MTMR12: variants seen among roughly 807,000 people sequenced by gnomAD.
MTMR12 encodes myotubularin related protein 12.
A neutral mutation model predicts 96.7 loss-of-function variants in MTMR12; 33 were observed. That is an observed-to-expected ratio of 0.34 (90% CI 0.26 to 0.46). The LOEUF is 0.46. MTMR12 is among the 20% of genes least tolerant of loss of function. The pLI, the probability that MTMR12 is intolerant of heterozygous loss-of-function variation, is 1.00. For synonymous variants in MTMR12, 298 were observed against 327.2 expected (o/e 0.91, Z 0.96); for missense variants, 721 against 896.1 (o/e 0.80, Z 2.49).
intron 1 of MTMR12, among the ~76,000 whole-genome samples, chr5:32,294,050 C>A (rs535389419): frequency 6.6e-6 from 1 of 152,322 alleles, no homozygotes; most frequent in East Asian, 1.9e-4. Flanking sequence ...GGGCCACCAT[C>A]ATTTCCTAGC....
intron 1 of MTMR12, among the ~76,000 whole-genome samples, chr5:32,278,305 G>A (rs1457227897): frequency 1.3e-5 from 2 of 152,138 alleles, no homozygotes; most frequent in Middle Eastern, 3.2e-3. Flanking sequence ...ATAATACAGT[G>A]GGGATATAAT....
intron 1 of MTMR12, among the ~76,000 whole-genome samples, chr5:32,284,427 G>A (rs575617510): frequency 2.6e-5 from 4 of 152,038 alleles, no homozygotes; most frequent in African/African-American, 7.2e-5. Flanking sequence ...ACTGAAAAAC[G>A]GAGGATTCCT....
chr5:32,233,809 T>C lies in MTMR12; in HGVS notation c.1638A>G (p.Lys546=). Residue 546 remains lysine, a synonymous_variant, in exon 15 of 16, where the codon AAA becomes AAG. Coordinates refer to ENST00000382142, the MANE Select transcript of MTMR12 (RefSeq NM_001040446.3). This position sits in a 1 kb window ranked among gnomAD's most constrained non-coding sequence, Gnocchi z 5.0. ...LKNPLYVEKP[K]LDKGQRKGMR... The stretch of plus-strand genomic sequence containing the variant: ...TTCCTTTCCGTTGGCCTTTGTCCAG[T>C]TTTGGCTTTTCCACATAAAGAGGGT... The C allele has an allele frequency of 1.2e-6, 2 of 1,614,190 alleles. No individual in the cohort carries two copies. Among genetic ancestry groups the C allele is most frequent in the Non-Finnish European group, 1.7e-6 (2 of 1,180,036 alleles).
intron 8 of MTMR12, among the ~76,000 whole-genome samples, chr5:32,253,057 T>C (rs1749002708): frequency 6.6e-6 from 1 of 152,232 alleles, no homozygotes; most frequent in Non-Finnish European, 1.5e-5. Flanking sequence ...TCAACCTGCA[T>C]TTTGTGCCCC....
chr5:32,275,869 AC>A (rs1750031350), intron 2 of MTMR12, among the ~76,000 whole-genome samples: 1 of 152,246 alleles, frequency 6.6e-6, no homozygotes, highest in South Asian at 2.1e-4. Flanking sequence ...GAATTCTTTT[AC>A]CAAATAACGT....
At chr5:32,289,115 A>G (rs376808516) in intron 1 of MTMR12, among the ~76,000 whole-genome samples, 1 of 152,314 alleles carries the variant, frequency 6.6e-6, no homozygotes, top group East Asian at 1.9e-4. Context: ...TGTCAAAGAC[A>G]AGGTGTTCGT....
At chr5:32,232,541 T>C (rs949625120) in intron 15 of MTMR12, among the ~76,000 whole-genome samples, 2 of 152,192 alleles carry the variant, frequency 1.3e-5, no homozygotes, top group Admixed American at 6.5e-5. Flanking sequence ...ACAGACGTTG[T>C]CCTCGCTGTC....
At chr5:32,267,936 C>T (rs557833669) in intron 6 of MTMR12, among the ~76,000 whole-genome samples, 9 of 152,176 alleles carry the variant, frequency 5.9e-5, no homozygotes, top group Admixed American at 3.3e-4. Context: ...CAGGTTCAAG[C>T]GATTCTCCTG....
At chr5:32,266,461 G>A (rs1749596537) in intron 6 of MTMR12, among the ~76,000 whole-genome samples, 1 of 152,154 alleles carries the variant, frequency 6.6e-6, no homozygotes, top group Admixed American at 6.5e-5. Flanking sequence ...GCCAAGGCGG[G>A]CAGATCACTT....
At chr5:32,255,954 G>A in intron 7 of MTMR12, 186 bp from the exon 8 acceptor site, 1 of 416,774 alleles carries the variant, frequency 2.4e-6, no homozygotes, top group Non-Finnish European at 4.4e-6. Context: ...GGACAAATCA[G>A]TGGGGAATCT....
Position 32,233,701 on chromosome 5 carries a change from G to T in MTMR12, c.1674+72C>A. ...TAGAAAATGCTGGCAGACAGAATCC[G>T]TAAGTACCTTTTATCATTACATGCA... On this transcript the variant is annotated intron_variant, in intron 15 of 15. Coordinates refer to ENST00000382142, the MANE Select transcript of MTMR12 (RefSeq NM_001040446.3). This position sits in a 1 kb window ranked among gnomAD's most constrained non-coding sequence, Gnocchi z 5.0. 1 of 1,597,114 alleles carries T rather than the reference G, an allele frequency of 6.3e-7. No individual in the cohort carries two copies. The highest frequency in any genetic ancestry group is 8.6e-7 in the Non-Finnish European group (1 of 1,167,548).
At chr5:32,249,967 A>G (rs1215061011) in intron 8 of MTMR12, among the ~76,000 whole-genome samples, 1 of 152,222 alleles carries the variant, frequency 6.6e-6, no homozygotes, top group Admixed American at 6.5e-5. Flanking sequence ...CCTGGGCTCA[A>G]AGATAAACCT....
At chr5:32,303,336 G>C (rs538850303) in intron 1 of MTMR12, among the ~76,000 whole-genome samples, 92 of 152,194 alleles carry the variant, frequency 6.0e-4, no homozygotes, top group African/African-American at 2.2e-3. Context: ...TTAGAGTTGC[G>C]ATACGGGAGG....
At chr5:32,268,549 A>G in intron 6 of MTMR12, 152 bp downstream of exon 6, 1 of 519,478 alleles carries the variant, frequency 1.9e-6, no homozygotes, top group Non-Finnish European at 3.4e-6. Flanking sequence ...AAATGTAGAT[A>G]TCTAAATGAA....
chr5:32,229,848 C>T lies in MTMR12; in HGVS notation c.2174G>A (p.Trp725Ter). The change falls in exon 16 of 16, where the codon TGG (tryptophan) becomes TAG (stop). Residue 725 changes from tryptophan to a stop codon, truncating the protein, a stop_gained. Transcript: ENST00000382142. LOFTEE classifies it high-confidence loss of function. ...ATCGTCTTCATCTCCCAAAGCTTTC[C>T]AGCCACTGGTGGGTAAGACGGGCTT... is the stretch of plus-strand genomic sequence containing the variant. ...SSKPVLPTSG[W>*]KALGDEDDLA... 1.3e-6 allele frequency: 2 copies of T among 1,599,200 alleles called. No homozygotes were observed. Among genetic ancestry groups the T allele is most frequent in the Non-Finnish European group, 1.7e-6 (2 of 1,173,192 alleles).
chr5:32,260,364 G>C (rs1407382735), intron 7 of MTMR12, among the ~76,000 whole-genome samples: 3 of 151,700 alleles, frequency 2.0e-5, no homozygotes, highest in Non-Finnish European at 4.4e-5. Flanking sequence ...ACCAGTGGAT[G>C]GGGGAGACCA....
chr5:32,312,697 C>G lies in MTMR12; in HGVS notation c.81+61G>C, dbSNP rs1751649787. On this transcript the variant is annotated intron_variant, in intron 1 of 15. Coordinates refer to ENST00000382142, the MANE Select transcript of MTMR12 (RefSeq NM_001040446.3). This position sits in a 1 kb window ranked among gnomAD's most constrained non-coding sequence, Gnocchi z 5.0. ...CGCTCCCCGCTGCAAGGAAGGGGCT[C>G]CCGGCGCCCCTCGCCCCGGCCGCCC... 7.6e-7 allele frequency: 1 copy of G among 1,322,968 alleles called. No individual in the cohort carries two copies. Among genetic ancestry groups the G allele is most frequent in the Non-Finnish European group, 9.7e-7 (1 of 1,027,650 alleles). The allele number at this position is 1,322,968 out of a possible 1,614,324, so 82.0% of individuals were successfully genotyped here. A position where few individuals can be genotyped will look rare whatever the true frequency, so the allele number is the denominator to read the frequency against.
At chr5:32,308,195 G>C (rs560067236) in intron 1 of MTMR12, among the ~76,000 whole-genome samples, 2 of 152,066 alleles carry the variant, frequency 1.3e-5, no homozygotes, top group Non-Finnish European at 2.9e-5. Flanking sequence ...GGTGGTGCAC[G>C]CCTGTAGTCC....
intron 11 of MTMR12, 58 bp from the exon 12 acceptor site, chr5:32,242,185 C>T: frequency 7.8e-7 from 1 of 1,276,498 alleles, no homozygotes; most frequent in Non-Finnish European, 1.1e-6. Context: ...GTAACACAAA[C>T]ACTACGTAGT....
Sources: gnomAD v4.1 joint callset for allele counts (sites outside exome capture counted in the v4.1 genomes callset) on GRCh38, gnomAD v4.1.1 for gene constraint, Gnocchi (gnomAD v3.1) non-coding constraint, MANE v1.5 for transcripts, NCBI Gene and HGNC (gene_info 2026-07-23, HGNC 2026-07-21) for gene names.